DAB1: variants seen among roughly 807,000 people sequenced by gnomAD.
The protein encoded by DAB1 is disabled homolog 1.
DAB1 carries 15 observed loss-of-function variants against 64.6 expected under a neutral mutation model. The ratio of observed to expected loss-of-function variants is 0.23; its 90% CI spans 0.16 to 0.36. DAB1 has a LOEUF of 0.36. DAB1 is among the 10% of genes least tolerant of loss of function. The probability of loss-of-function intolerance (pLI) is 1.00; values close to 1 mark genes in which losing one functional copy is unlikely to be tolerated. For missense variants in DAB1, 596 were observed against 706.7 expected (o/e 0.84, Z 1.78); for synonymous variants, 235 against 251.9 (o/e 0.93, Z 0.64).
intron 2 of DAB1, among the ~76,000 whole-genome samples, chr1:57,252,905 T>C (rs979400421): frequency 1.3e-5 from 2 of 152,186 alleles, no homozygotes; most frequent in Non-Finnish European, 2.9e-5. Context: ...AGGACCAGTT[T>C]TGCATTTCAG....
At chr1:57,633,773 G>T (rs1410141305) in intron 7 of DAB1, among the ~76,000 whole-genome samples, 1 of 152,138 alleles carries the variant, frequency 6.6e-6, no homozygotes, top group Non-Finnish European at 1.5e-5. Context: ...GCCATTAGAG[G>T]AAGGGAGAGA....
At chr1:57,902,755 T>G (rs926413775) in intron 5 of DAB1, among the ~76,000 whole-genome samples, 1 of 152,174 alleles carries the variant, frequency 6.6e-6, no homozygotes, top group Non-Finnish European at 1.5e-5. Context: ...ATTGTAAAGG[T>G]ACCTTTTCCC....
intron 6 of DAB1, among the ~76,000 whole-genome samples, chr1:57,750,895 C>T (rs77020110): frequency 7.2e-5 from 11 of 152,136 alleles, no homozygotes; most frequent in South Asian, 4.1e-4. Context: ...TCTAGCCACA[C>T]GAACTCCTCT....
intron 1 of DAB1, among the ~76,000 whole-genome samples, chr1:57,868,077 G>T (rs915844806): frequency 6.6e-6 from 1 of 152,140 alleles, no homozygotes; most frequent in Non-Finnish European, 1.5e-5. Flanking sequence ...AAATACTCAG[G>T]ATCAGAGGGC....
chr1:58,091,715 T>G (rs1435385346), intron 5 of DAB1, among the ~76,000 whole-genome samples: 1 of 152,138 alleles, frequency 6.6e-6, no homozygotes. Flanking sequence ...CTTCCAAATA[T>G]GTCTTCTTAT....
intron 7 of DAB1, among the ~76,000 whole-genome samples, chr1:57,636,105 A>AC (rs1558562427): frequency 2.0e-5 from 3 of 149,674 alleles, no homozygotes; most frequent in African/African-American, 7.4e-5. Flanking sequence ...TCAAAAAAAA[A>AC]AAAAAAAACA....
chr1:57,902,135 C>T (rs1479833799), intron 5 of DAB1, among the ~76,000 whole-genome samples: 7 of 141,678 alleles, frequency 4.9e-5, no homozygotes, highest in Non-Finnish European at 9.1e-5. Context: ...CCAGCCTGAT[C>T]GACGGAGTGA....
intron 6 of DAB1, among the ~76,000 whole-genome samples, chr1:57,718,436 T>C (rs1179848145): frequency 2.0e-5 from 3 of 152,300 alleles, no homozygotes; most frequent in South Asian, 4.1e-4. Flanking sequence ...AGGATAACTA[T>C]TCACTTTCAT....
chr1:58,280,958 G>C (rs1259160750), intron 4 of DAB1, among the ~76,000 whole-genome samples: 2 of 152,152 alleles, frequency 1.3e-5, no homozygotes, highest in Non-Finnish European at 2.9e-5. Flanking sequence ...AAGAGGAGTT[G>C]GGATGGGCCA....
chr1:57,611,197 C>T (rs1362037962), intron 7 of DAB1, among the ~76,000 whole-genome samples: 1 of 149,318 alleles, frequency 6.7e-6, no homozygotes, highest in African/African-American at 2.5e-5. Context: ...ACTCAGGCAC[C>T]CGGCATAGGC....
At chr1:58,037,746 G>A (rs1647067834) in intron 5 of DAB1, among the ~76,000 whole-genome samples, 1 of 152,114 alleles carries the variant, frequency 6.6e-6, no homozygotes. Context: ...CCTCTGTGGG[G>A]CTTTAGTTGG....
At chr1:58,018,074 C>T (rs1646766286) in intron 5 of DAB1, among the ~76,000 whole-genome samples, 2 of 150,772 alleles carry the variant, frequency 1.3e-5, no homozygotes, top group South Asian at 2.1e-4. Context: ...GATCATGATG[C>T]TTGTGCTTTT....
At chr1:58,504,741 C>T (rs1645960104) in intron 3 of DAB1, among the ~76,000 whole-genome samples, 1 of 152,162 alleles carries the variant, frequency 6.6e-6, no homozygotes, top group African/African-American at 2.4e-5. Flanking sequence ...AAACTAGAAG[C>T]AGATTCATCT....
intron 4 of DAB1, among the ~76,000 whole-genome samples, chr1:58,267,837 TG>T (rs1365568505): frequency 8.5e-5 from 13 of 152,354 alleles, no homozygotes; most frequent in Non-Finnish European, 7.3e-5. Context: ...TCATTGGACT[TG>T]GAATCTCATC....
At chr1:57,178,900 C>A (rs1045805226) in intron 2 of DAB1, among the ~76,000 whole-genome samples, 6 of 152,046 alleles carry the variant, frequency 3.9e-5, no homozygotes, top group Non-Finnish European at 5.9e-5. Context: ...CCATCGCCAC[C>A]TCCTGGAGAA....
At chr1:58,000,770 C>T (rs1169785202) in intron 5 of DAB1, among the ~76,000 whole-genome samples, 1 of 151,856 alleles carries the variant, frequency 6.6e-6, no homozygotes, top group Non-Finnish European at 1.5e-5. Flanking sequence ...GGGGTTTCAC[C>T]ATGCTGGCCA....
At chr1:57,277,375 GT>G (rs903983712) in intron 2 of DAB1, among the ~76,000 whole-genome samples, 8 of 151,766 alleles carry the variant, frequency 5.3e-5, no homozygotes, top group Non-Finnish European at 1.0e-4. Context: ...TATGAAAACG[GT>G]TTTTTTTCCT....
chr1:57,775,180 T>C (rs1382054018), intron 6 of DAB1, among the ~76,000 whole-genome samples: 1 of 151,522 alleles, frequency 6.6e-6, no homozygotes, highest in Non-Finnish European at 1.5e-5. Flanking sequence ...TAATTATATG[T>C]TTATTAAAGT....
intron 7 of DAB1, among the ~76,000 whole-genome samples, chr1:57,601,082 C>T (rs949574916): frequency 6.6e-6 from 1 of 151,464 alleles, no homozygotes; most frequent in African/African-American, 2.4e-5. Flanking sequence ...TTCAATTTGC[C>T]GATATTATAA....
Sources: gnomAD v4.1 joint callset for allele counts (sites outside exome capture counted in the v4.1 genomes callset) on GRCh38, gnomAD v4.1.1 for gene constraint, MANE v1.5 for transcripts, NCBI Gene and HGNC (gene_info 2026-07-23, HGNC 2026-07-21) for gene names.